TNKS: variants seen among roughly 807,000 people sequenced by gnomAD.
The protein encoded by TNKS is poly [ADP-ribose] polymerase tankyrase-1.
Under a neutral mutation model 135.8 loss-of-function variants are expected in TNKS, and 72 were observed. That is an observed-to-expected ratio of 0.53 (90% CI 0.44 to 0.64). The LOEUF (loss-of-function observed/expected upper bound fraction) is 0.64. Among genes scored for constraint, TNKS ranks in the 30% least tolerant of loss-of-function variants. The pLI is 0.00. For missense variants in TNKS, 1,769 were observed against 1,674.0 expected (o/e 1.06, Z -0.99); for synonymous variants, 849 against 649.3 (o/e 1.31, Z -4.68).
chr8:9,677,880 A>G (rs1435827020), intron 3 of TNKS, among the ~76,000 whole-genome samples: 2 of 151,844 alleles, frequency 1.3e-5, no homozygotes, highest in South Asian at 4.2e-4. Flanking sequence ...CCTTTCTTTC[A>G]CTGTGGTAGC....
chr8:9,601,819 A>C lies in TNKS; in HGVS notation c.899-13763A>C, dbSNP rs528131399. On this transcript the variant is annotated intron_variant, in intron 2 of 26. Coordinates refer to ENST00000310430, the MANE Select transcript of TNKS (RefSeq NM_003747.3). ...ACTATTTACTACTATTATCTTTTCT[A>C]CTTATTTACAGTTTTACTTTATTGC... is the stretch of plus-strand genomic sequence containing the variant. Among the ~76,000 whole-genome samples the C allele has an allele frequency of 5.3e-5, 8 of 152,242 alleles. No homozygotes were observed. The South Asian group carries it at 1.7e-3, about 32-fold the overall frequency.
intron 20 of TNKS, among the ~76,000 whole-genome samples, chr8:9,760,210 A>G (rs771977734): frequency 1.3e-5 from 2 of 152,202 alleles, no homozygotes; most frequent in African/African-American, 2.4e-5. Context: ...TGTGTATTTC[A>G]GAACTGGGGT....
At chr8:9,638,848 C>T (rs1167392450) in intron 3 of TNKS, among the ~76,000 whole-genome samples, 2 of 152,100 alleles carry the variant, frequency 1.3e-5, no homozygotes, top group Non-Finnish European at 2.9e-5. Context: ...CAAAGCTCTA[C>T]AGGAGAACTG....
intron 8 of TNKS, 130 bp downstream of exon 8, chr8:9,707,127 G>C (rs918548072): frequency 2.5e-6 from 2 of 788,990 alleles, no homozygotes; most frequent in Non-Finnish European, 3.7e-6. Flanking sequence ...ATTTCTAATT[G>C]TATACTTTTC....
intron 17 of TNKS, chr8:9,740,836 T>TTTG (rs1554482074): frequency 7.0e-6 from 1 of 143,350 alleles, no homozygotes. Flanking sequence ...GTTTTTTTTT[T>TTTG]TTTTTTTTTT....
At chr8:9,734,597 G>C (rs1220235953) in intron 15 of TNKS, among the ~76,000 whole-genome samples, 1 of 152,114 alleles carries the variant, frequency 6.6e-6, no homozygotes, top group Non-Finnish European at 1.5e-5. Flanking sequence ...GAGAAAAAGT[G>C]TATTATATAG....
chr8:9,764,399 A>C (rs538329563), intron 22 of TNKS, among the ~76,000 whole-genome samples: 1 of 152,230 alleles, frequency 6.6e-6, no homozygotes, highest in South Asian at 2.1e-4. Flanking sequence ...TTTTTGTTTG[A>C]CTTAATCAGA....
In TNKS at chr8:9,555,950, C is replaced by T. The variant is rs749085083; in HGVS notation, c.11C>T (p.Ser4Leu). ...TAGGGGAGTCCGAAGATGGCGGCGT[C>T]GCGTCGCTCTCAGCATCATCACCAC... The part of the protein sequence containing the change: MAA[S>L]RRSQHHHHHH... Residue 4 changes from serine (S) to leucine (L), a missense_variant, in exon 1 of 27, where the codon TCG becomes TTG. Transcript: ENST00000310430. The T allele has an allele frequency of 8.1e-6, 13 of 1,611,244 alleles. No individual in the cohort carries two copies. Among genetic ancestry groups the T allele is most frequent in the South Asian group, 4.4e-5 (4 of 90,704 alleles).
chr8:9,733,707 G>A (rs1805555624), intron 15 of TNKS, among the ~76,000 whole-genome samples: 1 of 152,116 alleles, frequency 6.6e-6, no homozygotes, highest in African/African-American at 2.4e-5. Flanking sequence ...AGTTTGCATT[G>A]CTTGTCTAGT....
At chr8:9,618,304 G>A (rs141933623) in intron 3 of TNKS, among the ~76,000 whole-genome samples, 1,659 of 152,226 alleles carry the variant, frequency 0.011, 12 homozygotes, top group African/African-American at 0.023. Flanking sequence ...AAGAATGCAT[G>A]TTTTTTAATA....
chr8:9,660,774 T>G (rs1360903171), intron 3 of TNKS, among the ~76,000 whole-genome samples: 2 of 152,046 alleles, frequency 1.3e-5, no homozygotes, highest in Admixed American at 1.3e-4. Flanking sequence ...GGGCATTCAG[T>G]TAGGAAAAGA....
At position 9,763,658 on chromosome 8, in the gene TNKS, G is replaced by A. The variant is rs138015885; in HGVS notation, c.3372+414G>A. On this transcript the variant is annotated intron_variant, in intron 22 of 26. Coordinates refer to ENST00000310430, the MANE Select transcript of TNKS (RefSeq NM_003747.3). ...TGACTATAAAATAATATGCCTAATC[G>A]TCACGTATGCTTCTGGGTCTGCCTC... Among the ~76,000 whole-genome samples, 35 of 152,072 alleles carry A rather than the reference G, an allele frequency of 2.3e-4. No homozygotes were observed. The East Asian group carries it at 6.4e-3, about 28-fold the overall frequency.
At position 9,667,647 on chromosome 8, in the gene TNKS, C is replaced by CAGAAAGATG. The variant is rs1444976182; in HGVS notation, c.995-12303_995-12295dup. 7.2e-5 allele frequency among the ~76,000 whole-genome samples: 11 copies of CAGAAAGATG among 152,308 alleles called. No individual in the cohort carries two copies. In the East Asian group the frequency reaches 2.1e-3, roughly 29 times the overall value. Reference sequence around the variant, plus strand: ...TCTGTCATTGATTTACAAAACGTCTCAGAAAGATGTAGTGAGTGCAATTAT... The same window carrying CAGAAAGATG: ...TCTGTCATTGATTTACAAAACGTCTCAGAAAGATGAGAAAGATGTAGTGAGTGCAATTAT... On this transcript the variant is annotated intron_variant, in intron 3 of 26. Transcript: ENST00000310430.
At position 9,720,468 on chromosome 8, in the gene TNKS, C is replaced by G. The variant is rs544319852; in HGVS notation, c.1844C>G (p.Ser615Cys). ...QTCRLLLSYG[S>C]DPSIISLQGF... The stretch of plus-strand genomic sequence containing the variant: ...TGCCGCCTCCTGCTGAGTTACGGCT[C>G]TGACCCCTCCATCATCTCCTTACAA... Residue 615 changes from serine to cysteine, a missense_variant, in exon 12 of 27, where the codon TCT (serine) becomes TGT (cysteine). By Grantham distance (112) the Ser-to-Cys change is moderately radical. Coordinates refer to ENST00000310430, the MANE Select transcript of TNKS (RefSeq NM_003747.3). 2 of 1,614,176 alleles carry G rather than the reference C, an allele frequency of 1.2e-6. No individual in the cohort carries two copies. The highest frequency in any genetic ancestry group is 1.7e-6 in the Non-Finnish European group (2 of 1,180,026).
chr8:9,748,689 A>G (rs1311868339), intron 18 of TNKS, among the ~76,000 whole-genome samples: 5 of 152,212 alleles, frequency 3.3e-5, no homozygotes, highest in African/African-American at 1.2e-4. Context: ...AGTCACAGTA[A>G]TTTCTAATTT....
At chr8:9,556,682 C>G (rs1815327165) in intron 1 of TNKS, 70 bp downstream of exon 1, 2 of 1,570,892 alleles carry the variant, frequency 1.3e-6, no homozygotes, top group Non-Finnish European at 1.7e-6. Flanking sequence ...GACAAGAAAA[C>G]AGGTTATTGT....
At chr8:9,604,574 G>C (rs1489398949) in intron 2 of TNKS, among the ~76,000 whole-genome samples, 1 of 151,596 alleles carries the variant, frequency 6.6e-6, no homozygotes, top group Non-Finnish European at 1.5e-5. Flanking sequence ...TTCTTAACTT[G>C]CATGCTTTCT....
chr8:9,650,436 T>C (rs7821143), intron 3 of TNKS, among the ~76,000 whole-genome samples: 149,134 of 152,298 alleles, frequency 0.98, 73,093 homozygotes, highest in East Asian at 1. Context: ...TTCCCACCAG[T>C]AGTGTAAAAT....
intron 12 of TNKS, among the ~76,000 whole-genome samples, chr8:9,721,113 C>T (rs1354808669): frequency 6.6e-6 from 1 of 151,620 alleles, no homozygotes; most frequent in Admixed American, 6.6e-5. Flanking sequence ...AACCCTGTCT[C>T]TATTAAAAAT....
Sources: gnomAD v4.1 joint callset for allele counts (sites outside exome capture counted in the v4.1 genomes callset) on GRCh38, gnomAD v4.1.1 for gene constraint, MANE v1.5 for transcripts, NCBI Gene and HGNC (gene_info 2026-07-23, HGNC 2026-07-21) for gene names.